The following PKHD1 variants were observed in gnomAD, a reference collection of about 807,000 sequenced individuals.
The protein encoded by PKHD1 is PKHD1 ciliary IPT domain containing fibrocystin/polyductin.
PKHD1 carries 291 observed loss-of-function variants against 412.0 expected under a neutral mutation model. The observed-to-expected ratio is 0.71, with a 90% confidence interval of 0.64 to 0.78. PKHD1 has a LOEUF of 0.78. Ranked by LOEUF, PKHD1 falls within the 30% of genes least tolerant of loss-of-function variation. The probability of loss-of-function intolerance (pLI) is 0.00; values close to 1 mark genes in which losing one functional copy is unlikely to be tolerated. For missense variants in PKHD1, 4,825 were observed against 4,950.7 expected, an observed-to-expected ratio of 0.97 and a Z score of 0.76; for synonymous variants, 1,777 against 1,821.5, an observed-to-expected ratio of 0.98 and a Z score of 0.62.
rs568575616 is a variant in PKHD1 at position 51,921,911 on chromosome 6, C to A, written c.6122-9335G>T. ...CTTGGAGAGGTTTGTTATTACCGAT[C>A]TTCTGAAGCCTACTTCTGTCAACTC... On this transcript the variant is annotated intron_variant, in intron 37 of 66. Transcript: ENST00000371117. Among the ~76,000 whole-genome samples, 58 of 152,306 alleles carry A rather than the reference C, an allele frequency of 3.8e-4. 4 individuals carry two copies. In the South Asian group the frequency reaches 0.011, roughly 30 times the overall value.
chr6:51,708,775 C>T (rs1008807264), intron 60 of PKHD1, among the ~76,000 whole-genome samples: 1 of 152,194 alleles, frequency 6.6e-6, no homozygotes, highest in African/African-American at 2.4e-5. Flanking sequence ...CCCTTCTCTC[C>T]TAAATCAAAT....
chr6:52,046,701 C>T (rs1314008107), intron 23 of PKHD1, among the ~76,000 whole-genome samples: 2 of 152,166 alleles, frequency 1.3e-5, no homozygotes, highest in Non-Finnish European at 2.9e-5. Flanking sequence ...TTTCTTTAAG[C>T]CCAACCACCT....
intron 16 of PKHD1, among the ~76,000 whole-genome samples, 181 bp from the exon 17 acceptor site, chr6:52,057,160 T>C (rs536194627): frequency 6.6e-6 from 1 of 152,374 alleles, no homozygotes; most frequent in East Asian, 1.9e-4. Context: ...ATGAGAACTT[T>C]TGTTGGACTA....
intron 60 of PKHD1, among the ~76,000 whole-genome samples, chr6:51,704,512 T>C (rs1779791571): frequency 6.6e-6 from 1 of 152,100 alleles, no homozygotes; most frequent in South Asian, 2.1e-4. Flanking sequence ...CAGTATTTAC[T>C]GCTATAGCTC....
At chr6:51,798,145 G>A (rs2148458) in intron 52 of PKHD1, among the ~76,000 whole-genome samples, 89,614 of 151,820 alleles carry the variant, frequency 0.59, 27,104 homozygotes, top group East Asian at 0.83. Flanking sequence ...TTGGGAGGCT[G>A]AGGCAAGTGG....
In PKHD1 at chr6:52,022,817, C is replaced by G. The variant is rs780332791; in HGVS notation, c.5364G>C (p.Leu1788Phe). Reference sequence around the variant, plus strand: ...TTTACTCACCATCCAGGGGCAGAACCAAGCAGCTGAAGGCAGACACTGTAG... The same window carrying G: ...TTTACTCACCATCCAGGGGCAGAACGAAGCAGCTGAAGGCAGACACTGTAG... ...ANATVSAFSC[L>F]VLPLDVSLAF... is the part of the protein sequence containing the mutation. The change falls in exon 33 of 67, where the codon TTG becomes TTC. Residue 1788 changes from leucine (L) to phenylalanine (F), a missense_variant. Coordinates refer to ENST00000371117, the MANE Select transcript of PKHD1 (RefSeq NM_138694.4). 4 of 1,613,942 alleles carry G rather than the reference C, an allele frequency of 2.5e-6. No individual in the cohort carries two copies. The South Asian group carries it at 4.4e-5, about 18-fold the overall frequency.
At position 51,632,927 on chromosome 6, in the gene PKHD1, A is replaced by G. The variant is rs1768100235; in HGVS notation, c.11507-204T>C. ...TCACAAGATTCCAACAATAACACAT[A>G]ATAGTTATTTCCAATTCTGTCAATT... On this transcript the variant is annotated intron_variant, in intron 64 of 66. Coordinates refer to ENST00000371117, the MANE Select transcript of PKHD1 (RefSeq NM_138694.4). 2.6e-5 allele frequency among the ~76,000 whole-genome samples: 4 copies of G among 152,266 alleles called. No homozygotes were observed. The South Asian group carries it at 6.2e-4, about 24-fold the overall frequency.
chr6:52,021,707 T>C (rs1387845990), intron 33 of PKHD1, among the ~76,000 whole-genome samples: 1 of 152,164 alleles, frequency 6.6e-6, no homozygotes, highest in African/African-American at 2.4e-5. Context: ...ACTCAATTTC[T>C]AGCATTTTAA....
At chr6:51,942,318 A>C (rs999033580) in intron 36 of PKHD1, among the ~76,000 whole-genome samples, 6 of 151,592 alleles carry the variant, frequency 4.0e-5, no homozygotes, top group African/African-American at 7.3e-5. Context: ...TTATCCAAAC[A>C]ACTTGACCTT....
chr6:52,057,277 C>T lies in PKHD1; in HGVS notation c.1513-298G>A, dbSNP rs116263393. Reference sequence around the variant, plus strand: ...TTCAGCCCCTCTCACCAATTGCTTTCTCCCAAGGGTAGCCCAGCAGGCAGA... The same window carrying T: ...TTCAGCCCCTCTCACCAATTGCTTTTTCCCAAGGGTAGCCCAGCAGGCAGA... On this transcript the variant is annotated intron_variant, in intron 16 of 66. Coordinates refer to ENST00000371117, the MANE Select transcript of PKHD1 (RefSeq NM_138694.4). Among the ~76,000 whole-genome samples the T allele has an allele frequency of 0.012, 1,846 of 152,332 alleles. 19 individuals are homozygous for T. The highest frequency in any genetic ancestry group is 0.019 in the Admixed American group (294 of 15,306).
chr6:51,754,673 G>C, intron 56 of PKHD1, 111 bp downstream of exon 56: 1 of 858,986 alleles, frequency 1.2e-6, no homozygotes, highest in Non-Finnish European at 2.0e-6. Flanking sequence ...CAACAGGAAG[G>C]CATTGTTCTT....
chr6:51,772,666 A>G (rs751995020), intron 55 of PKHD1, 36 bp downstream of exon 55: 1 of 1,075,860 alleles, frequency 9.3e-7, no homozygotes, highest in South Asian at 1.4e-5. Context: ...CTAAACAACA[A>G]CCAAGAAAAA....
chr6:52,079,805 A>G (rs1811792366), intron 5 of PKHD1, 95 bp downstream of exon 5: 2 of 792,214 alleles, frequency 2.5e-6, no homozygotes, highest in African/African-American at 1.7e-5. Context: ...AACCCGGTCA[A>G]GCAGACACGC....
intron 53 of PKHD1, among the ~76,000 whole-genome samples, chr6:51,787,560 G>A (rs1423982853): frequency 2.0e-5 from 3 of 152,224 alleles, no homozygotes; most frequent in Non-Finnish European, 2.9e-5. Flanking sequence ...GGACAGATGG[G>A]TTGAAAGTCT....
chr6:51,977,071 C>T (rs1471593174), intron 35 of PKHD1, among the ~76,000 whole-genome samples: 1 of 151,576 alleles, frequency 6.6e-6, no homozygotes, highest in Non-Finnish European at 1.5e-5. Flanking sequence ...TTAGTTTGTT[C>T]AGTGCTTCTC....
At chr6:51,891,775 G>T (rs1179707324) in intron 43 of PKHD1, among the ~76,000 whole-genome samples, 3 of 151,212 alleles carry the variant, frequency 2.0e-5, no homozygotes, top group African/African-American at 7.3e-5. Context: ...ACAGTATGGG[G>T]GAGAAAACTG....
intron 61 of PKHD1, among the ~76,000 whole-genome samples, chr6:51,657,390 C>T (rs1772049200): frequency 6.6e-6 from 1 of 152,056 alleles, no homozygotes; most frequent in Non-Finnish European, 1.5e-5. Context: ...TATGGCATTT[C>T]TTATTCGGGA....
At chr6:52,048,397 T>C in intron 23 of PKHD1, 95 bp downstream of exon 23, 2 of 1,179,638 alleles carry the variant, frequency 1.7e-6, no homozygotes, top group Non-Finnish European at 2.6e-6. Flanking sequence ...TTTAATATTA[T>C]CACCTGTCTG....
intron 52 of PKHD1, among the ~76,000 whole-genome samples, chr6:51,804,229 C>T (rs1763364177): frequency 6.6e-6 from 1 of 150,944 alleles, no homozygotes; most frequent in Non-Finnish European, 1.5e-5. Flanking sequence ...CACTGATGCC[C>T]AACCACCAAC....
Sources: allele counts gnomAD v4.1 joint callset (sites outside exome capture counted in the v4.1 genomes callset), GRCh38; gene constraint gnomAD v4.1.1; transcripts MANE v1.5; gene names NCBI Gene and HGNC (gene_info 2026-07-23, HGNC 2026-07-21).